The following CPS1 variants were observed in gnomAD, a reference collection of about 807,000 sequenced individuals.
CPS1 encodes the protein carbamoyl-phosphate synthase 1.
Under a neutral mutation model 174.6 loss-of-function variants are expected in CPS1, and 109 were observed. The ratio of observed to expected loss-of-function variants is 0.62; its 90% confidence interval spans 0.53 to 0.73. The LOEUF is 0.73. Ranked by LOEUF, CPS1 falls within the 30% of genes least tolerant of loss-of-function variation. The pLI is 0.00. For synonymous variants in CPS1, 637 were observed against 632.0 expected (o/e 1.01, Z -0.12); for missense variants, 1,689 against 1,821.9 (o/e 0.93, Z 1.33).
chr2:210,633,697 A>T (rs923640237), intron 21 of CPS1, among the ~76,000 whole-genome samples: 3 of 152,242 alleles, frequency 2.0e-5, no homozygotes, highest in South Asian at 2.1e-4. Context: ...GACCTTTGAA[A>T]ACCTGACTGG....
intron 21 of CPS1, among the ~76,000 whole-genome samples, chr2:210,621,102 C>A (rs1699509785): frequency 1.3e-5 from 2 of 152,086 alleles, no homozygotes; most frequent in African/African-American, 4.8e-5. Flanking sequence ...TTCTCCTTTT[C>A]CACTTAAACT....
At chr2:210,602,133 C>T (rs1396099793) in intron 15 of CPS1, 69 bp from the exon 16 acceptor site, 5 of 1,594,536 alleles carry the variant, frequency 3.1e-6, no homozygotes, top group Middle Eastern at 1.9e-4. Flanking sequence ...TTGCCAGACT[C>T]TCTTGGTGTG....
chr2:210,569,868 G>A (rs868827889), intron 1 of CPS1, among the ~76,000 whole-genome samples: 1 of 151,782 alleles, frequency 6.6e-6, no homozygotes, highest in Non-Finnish European at 1.5e-5. Context: ...AAAGTAAGAC[G>A]TGCTCTGGCA....
At chr2:210,629,013 A>C (rs1293974188) in intron 21 of CPS1, among the ~76,000 whole-genome samples, 1 of 152,212 alleles carries the variant, frequency 6.6e-6, no homozygotes, top group African/African-American at 2.4e-5. Flanking sequence ...TGCAATAACA[A>C]ATTGTAAAAC....
chr2:210,490,382 C>CTAGG (rs1694844248), intron 1 of CPS1, among the ~76,000 whole-genome samples: 1 of 152,010 alleles, frequency 6.6e-6, no homozygotes, highest in Non-Finnish European at 1.5e-5. Context: ...TGTGACCTTC[C>CTAGG]TAGGTTGTCT....
At chr2:210,537,476 A>C (rs1696286655) in intron 1 of CPS1, among the ~76,000 whole-genome samples, 1 of 152,184 alleles carries the variant, frequency 6.6e-6, no homozygotes, top group Non-Finnish European at 1.5e-5. Context: ...TAAGTAGCAT[A>C]AATAACATCT....
chr2:210,596,363 C>T (rs1180384494), intron 13 of CPS1, among the ~76,000 whole-genome samples: 1 of 151,854 alleles, frequency 6.6e-6, no homozygotes, highest in Non-Finnish European at 1.5e-5. Context: ...CAGTGTAATG[C>T]CATTCACCAG....
chr2:210,596,638 G>A (rs1698491213), intron 13 of CPS1, among the ~76,000 whole-genome samples: 2 of 151,838 alleles, frequency 1.3e-5, no homozygotes, highest in African/African-American at 2.4e-5. Flanking sequence ...TTTTCAAAAC[G>A]ATGTTTTACT....
In CPS1 at chr2:210,640,055, C is replaced by T; in HGVS notation, c.2955C>T (p.His985=). The change falls in exon 24 of 38, where the codon CAC becomes CAT. Residue 985 remains histidine (H), a synonymous_variant. Coordinates refer to ENST00000233072, the MANE Select transcript of CPS1 (RefSeq NM_001875.5). The part of the protein sequence containing the change: ...GMMVLGCGPY[H]IGSSVEFDWC... ...TGGTGCTAGGCTGTGGTCCATATCA[C>T]ATTGGTAAAATAATAAATTATGTGT... The T allele has an allele frequency of 1.3e-6, 2 of 1,594,128 alleles. No individual in the cohort carries two copies. Among genetic ancestry groups the T allele is most frequent in the Non-Finnish European group, 1.7e-6 (2 of 1,162,550 alleles).
intron 1 of CPS1, among the ~76,000 whole-genome samples, chr2:210,479,111 A>G (rs906834141): frequency 3.9e-5 from 6 of 152,102 alleles, no homozygotes; most frequent in Non-Finnish European, 5.9e-5. Flanking sequence ...GCCTGAAACA[A>G]CAGAAATGTA....
chr2:210,608,309 G>A, intron 18 of CPS1, 52 bp from the exon 19 acceptor site: 1 of 1,567,716 alleles, frequency 6.4e-7, no homozygotes, highest in South Asian at 1.1e-5. Context: ...GTTTTGGTCT[G>A]TTTTCAATAA....
intron 1 of CPS1, among the ~76,000 whole-genome samples, chr2:210,504,871 C>T (rs1040618565): frequency 3.3e-5 from 5 of 152,126 alleles, no homozygotes; most frequent in Admixed American, 6.6e-5. Context: ...AGTGTGTCTG[C>T]ACAATCCTAA....
chr2:210,606,877 T>G lies in CPS1; in HGVS notation c.2128T>G (p.Tyr710Asp). ...TGCCCTTCATCCTACCTCAATGGAA[T>G]ACTGCATCATTGAAGTGAATGCCAG... The part of the protein sequence containing the change: ...QFALHPTSME[Y>D]CIIEVNARLS... The change falls in exon 18 of 38, where the codon TAC (tyrosine) becomes GAC (aspartate). Residue 710 changes from tyrosine (Y) to aspartate (D), a missense_variant. Physicochemically the swap from Tyr to Asp is radical, Grantham distance 160. Coordinates refer to ENST00000233072, the MANE Select transcript of CPS1 (RefSeq NM_001875.5). 6.2e-7 allele frequency: 1 copy of G among 1,612,652 alleles called. No homozygotes were observed. Among genetic ancestry groups the G allele is most frequent in the Non-Finnish European group, 8.5e-7 (1 of 1,179,100 alleles).
chr2:210,511,966 T>C (rs1559055445), intron 1 of CPS1, among the ~76,000 whole-genome samples: 1 of 152,076 alleles, frequency 6.6e-6, no homozygotes, highest in Non-Finnish European at 1.5e-5. Context: ...GAACCCCAAA[T>C]TGAGCCAAAT....
chr2:210,557,002 C>G, intron 1 of CPS1, 143 bp downstream of exon 1: 1 of 970,914 alleles, frequency 1.0e-6, no homozygotes, highest in East Asian at 2.6e-5. Flanking sequence ...ACTGTGGAAC[C>G]TACTGACTTA....
At chr2:210,536,366 GAT>G (rs1696252144) in intron 1 of CPS1, among the ~76,000 whole-genome samples, 1 of 149,030 alleles carries the variant, frequency 6.7e-6, no homozygotes, top group South Asian at 2.1e-4. Flanking sequence ...TGTCGCCCAG[GAT>G]GGAGTGCAGT....
chr2:210,618,835 C>T (rs1699405830), intron 21 of CPS1: 1 of 152,036 alleles, frequency 6.6e-6, no homozygotes. Flanking sequence ...ACGTACTGCT[C>T]CAACAGTAAC....
chr2:210,642,831 AT>A (rs1700272387), intron 25 of CPS1, among the ~76,000 whole-genome samples, 166 bp downstream of exon 25: 2 of 152,340 alleles, frequency 1.3e-5, no homozygotes, highest in Admixed American at 1.3e-4. Flanking sequence ...TCTAAAAAAA[AT>A]CACTCCATTC....
intron 9 of CPS1, among the ~76,000 whole-genome samples, 168 bp from the exon 10 acceptor site, chr2:210,591,663 A>C (rs1698302432): frequency 6.6e-6 from 1 of 152,056 alleles, no homozygotes; most frequent in Admixed American, 6.6e-5. Context: ...TGTTGGGAAA[A>C]TTACTGGGAT....
Sources: gnomAD v4.1 joint callset for allele counts (sites outside exome capture counted in the v4.1 genomes callset) on GRCh38, gnomAD v4.1.1 for gene constraint, MANE v1.5 for transcripts, NCBI Gene and HGNC (gene_info 2026-07-23, HGNC 2026-07-21) for gene names.